RPGR: variants seen among roughly 807,000 people sequenced by gnomAD.
RPGR encodes the protein X-linked retinitis pigmentosa GTPase regulator.
In RPGR, 10 loss-of-function variants were observed where a neutral mutation model predicts 56.3. The observed-to-expected ratio is 0.18, with a 90% CI of 0.11 to 0.30. The LOEUF (loss-of-function observed/expected upper bound fraction) is 0.30, where lower values mean the gene tolerates loss of function less well. Ranked by LOEUF, RPGR falls within the 10% of genes least tolerant of loss-of-function variation. The probability of loss-of-function intolerance (pLI) is 1.00; values close to 1 mark genes in which losing one functional copy is unlikely to be tolerated. For synonymous variants in RPGR, 197 were observed against 212.9 expected, an observed-to-expected ratio of 0.93 and a Z score of 0.65; for missense variants, 538 against 590.9, an observed-to-expected ratio of 0.91 and a Z score of 0.93.
At chrX:38,275,322 T>C (rs1358371796) in intron 16 of RPGR, among the ~76,000 whole-genome samples, 1 of 111,699 alleles carries the variant, frequency 9.0e-6, no homozygotes, top group Non-Finnish European at 1.9e-5. Flanking sequence ...TGCTGACTGA[T>C]TGCAAATGTC....
chrX:38,269,637 T>C lies in RPGR; in HGVS notation c.2437A>G (p.Thr813Ala), dbSNP rs1045950559. 8.5e-7 allele frequency: 1 copy of C among 1,180,738 alleles called. No homozygotes were observed. The highest frequency in any genetic ancestry group is 1.2e-6 in the Non-Finnish European group (1 of 867,407). ...ACATAAATATATATTTATAGTATTG[T>C]ACAGGATTTTGATCTTCTCTCTGTA... The change falls in exon 19 of 19, where the codon ACA (threonine) becomes GCA (alanine). Residue 813 changes from threonine (T) to alanine (A), a missense_variant. By Grantham distance (58) the Thr-to-Ala change is moderately conservative. Around this residue, in one of 2 missense-constraint regions of RPGR, gnomAD observed 357 missense variants for 325.8 expected, o/e 1.10. Transcript: ENST00000642395.
intron 13 of RPGR, 55 bp from the exon 14 acceptor site, chrX:38,288,096 A>G: frequency 9.9e-7 from 1 of 1,008,574 alleles, no homozygotes; most frequent in Non-Finnish European, 1.4e-6. Flanking sequence ...GTTGACAAGG[A>G]CAACTTATCT....
intron 13 of RPGR, among the ~76,000 whole-genome samples, chrX:38,289,301 T>C (rs1405900925): frequency 1.8e-5 from 2 of 112,227 alleles, no homozygotes; most frequent in African/African-American, 6.5e-5. Context: ...GCATTGATTA[T>C]ATTATTTAAT....
chrX:38,296,579 A>G (rs749316477), intron 11 of RPGR, among the ~76,000 whole-genome samples: 19 of 111,760 alleles, frequency 1.7e-4, no homozygotes, highest in Non-Finnish European at 3.4e-4. Flanking sequence ...AGGTATTAAT[A>G]TTAATCATAA....
chrX:38,311,782 G>T (rs1329991635), intron 6 of RPGR, among the ~76,000 whole-genome samples: 1 of 111,170 alleles, frequency 9.0e-6, no homozygotes, highest in Non-Finnish European at 1.9e-5. Flanking sequence ...GCTAGCAGGA[G>T]GTGCCTACAT....
At chrX:38,310,801 T>C in intron 6 of RPGR, 28 bp from the exon 7 acceptor site, 1 of 1,197,172 alleles carries the variant, frequency 8.4e-7, no homozygotes, top group African/African-American at 1.7e-5. Flanking sequence ...TAGTGATTAG[T>C]GATGACATAC....
chrX:38,284,593 G>A (rs1162559967), intron 15 of RPGR: 11 of 744,516 alleles, frequency 1.5e-5, no homozygotes, highest in Middle Eastern at 7.5e-4. Context: ...GACAAGAGAC[G>A]TTAAAGCTGT....
At chrX:38,325,545 G>A (rs1029381426) in intron 1 of RPGR, among the ~76,000 whole-genome samples, 1 of 112,013 alleles carries the variant, frequency 8.9e-6, no homozygotes, top group African/African-American at 3.2e-5. Flanking sequence ...GTTATAAAAT[G>A]AAAAGATCCT....
At position 38,291,440 on chromosome X, in the gene RPGR, A is replaced by C; in HGVS notation, c.1459T>G (p.Ser487Ala). ...TCTCCAAGGCTTTCTACAGTTGAAG[A>C]ATTATCTATCTCTGCTTCTTTGGTC... Residue 487 changes from serine (S) to alanine (A), a missense_variant, in exon 12 of 19, where the codon TCT becomes GCT. Coordinates refer to ENST00000642395, the MANE Select transcript of RPGR (RefSeq NM_000328.3). 1 of 1,169,763 alleles carries C rather than the reference A, an allele frequency of 8.5e-7. No homozygotes were observed. Among genetic ancestry groups the C allele is most frequent in the Non-Finnish European group, 1.2e-6 (1 of 859,041 alleles).
rs781426804 is a variant in RPGR, at chrX:38,269,770, C to T, written c.2304G>A (p.Pro768=). 18 of 1,207,646 alleles carry T rather than the reference C, an allele frequency of 1.5e-5. No homozygotes were observed. The highest frequency in any genetic ancestry group is 1.9e-5 in the Non-Finnish European group (17 of 893,717). ...CTCCTATGGATTTTATCTCTGGGAG[C>T]GGCTCATTGTTATTCTTGACAATCT... Residue 768 remains proline, a synonymous_variant, in exon 19 of 19, where the codon CCG becomes CCA. Transcript: ENST00000642395.
In RPGR at chrX:38,276,655, C is replaced by T. The variant is rs750741536; in HGVS notation, c.2023G>A (p.Gly675Ser). Residue 675 changes from glycine to serine, a missense_variant, in exon 16 of 19, where the codon GGT (glycine) becomes AGT (serine). This residue lies in a region of RPGR where 357 missense variants were observed against 325.8 expected (regional missense o/e 1.10). Transcript: ENST00000642395. ...GCTCCTTCTGTTTTACTGTGATAAC[C>T]TGTAGGAACACTTTCATCATCTCCC... The T allele has an allele frequency of 9.9e-6, 12 of 1,208,831 alleles. No individual in the cohort carries two copies. The highest frequency in any genetic ancestry group is 2.2e-5 in the Admixed American group (1 of 45,665).
At chrX:38,302,756 T>C (rs1262054595) in intron 8 of RPGR, 1 of 109,830 alleles carries the variant, frequency 9.1e-6, no homozygotes, top group Non-Finnish European at 1.9e-5. Context: ...AGATTCCCTG[T>C]AAATATGTAA....
At chrX:38,310,593 G>C (rs1370796932) in intron 7 of RPGR, 22 bp downstream of exon 7, 3 of 1,206,541 alleles carry the variant, frequency 2.5e-6, no homozygotes, top group Non-Finnish European at 3.4e-6. Flanking sequence ...GCAGGGAACA[G>C]AACAGTGGAC....
intron 7 of RPGR, among the ~76,000 whole-genome samples, chrX:38,308,761 T>C (rs1195054393): frequency 1.8e-5 from 2 of 111,888 alleles, no homozygotes; most frequent in Non-Finnish European, 3.8e-5. Context: ...CTCAGAATTA[T>C]TTCCAAATTT....
intron 16 of RPGR, among the ~76,000 whole-genome samples, chrX:38,275,671 A>C (rs2066921381): frequency 8.9e-6 from 1 of 112,187 alleles, no homozygotes. Context: ...ATGTATGCAC[A>C]CAAAACATGT....
chrX:38,309,779 G>T (rs1274440466), intron 7 of RPGR, among the ~76,000 whole-genome samples: 1 of 111,210 alleles, frequency 9.0e-6, no homozygotes, highest in Non-Finnish European at 1.9e-5. Context: ...AGTGAGCCAA[G>T]ATCAGGCCAT....
intron 4 of RPGR, among the ~76,000 whole-genome samples, chrX:38,320,017 G>A (rs1216403313): frequency 8.9e-6 from 1 of 111,929 alleles, no homozygotes; most frequent in Non-Finnish European, 1.9e-5. Context: ...AAGGTCACAT[G>A]CAATTGGAGT....
chrX:38,273,964 A>G (rs1421838554), intron 17 of RPGR: 1 of 113,069 alleles, frequency 8.8e-6, no homozygotes, highest in Non-Finnish European at 1.9e-5. Flanking sequence ...GCTTTAGGCT[A>G]TATGTTAAGA....
chrX:38,325,064 G>C (rs1189135111), intron 1 of RPGR, among the ~76,000 whole-genome samples: 1 of 105,708 alleles, frequency 9.5e-6, no homozygotes, highest in Non-Finnish European at 1.9e-5. Flanking sequence ...CAGCTACTCG[G>C]GGGGCTGAGG....
Sources: gnomAD v4.1 joint callset for allele counts (sites outside exome capture counted in the v4.1 genomes callset) on GRCh38, gnomAD v4.1.1 for gene constraint, gnomAD v4.1.1 regional missense constraint, MANE v1.5 for transcripts, NCBI Gene and HGNC (gene_info 2026-07-23, HGNC 2026-07-21) for gene names.